FIP1L1: variants seen among roughly 807,000 people sequenced by gnomAD.
The protein encoded by FIP1L1 is pre-mRNA 3'-end-processing factor FIP1.
FIP1L1 carries 21 observed loss-of-function variants against 84.6 expected under a neutral mutation model. That is an observed-to-expected ratio of 0.25 (90% CI 0.18 to 0.36). The LOEUF (loss-of-function observed/expected upper bound fraction) is 0.36. Ranked by LOEUF, FIP1L1 falls within the 10% of genes least tolerant of loss-of-function variation. The pLI is 1.00. For synonymous variants in FIP1L1, 263 were observed against 242.3 expected (o/e 1.09, Z -0.80); for missense variants, 526 against 751.1 (o/e 0.70, Z 3.50).
chr4:53,391,942 G>A (rs1744482235), intron 9 of FIP1L1, among the ~76,000 whole-genome samples: 1 of 152,148 alleles, frequency 6.6e-6, no homozygotes, highest in Non-Finnish European at 1.5e-5. Context: ...TGCCCTGATA[G>A]CTCAAGATAT....
intron 10 of FIP1L1, among the ~76,000 whole-genome samples, chr4:53,413,145 A>G (rs1483679816): frequency 6.6e-6 from 1 of 151,608 alleles, no homozygotes; most frequent in African/African-American, 2.4e-5. Flanking sequence ...GTGACCTTTG[A>G]TATGTCTCCA....
intron 14 of FIP1L1, among the ~76,000 whole-genome samples, 158 bp from the exon 15 acceptor site, chr4:53,443,890 A>C (rs970209899): frequency 3.3e-5 from 5 of 152,158 alleles, no homozygotes; most frequent in Admixed American, 6.6e-5. Context: ...GTTAAAAAAA[A>C]CCCCATGTTT....
intron 15 of FIP1L1, among the ~76,000 whole-genome samples, chr4:53,451,885 C>CTT (rs139817657): frequency 7.1e-5 from 10 of 140,952 alleles, no homozygotes; most frequent in African/African-American, 2.2e-4. Flanking sequence ...ATAGACATTC[C>CTT]TTTTTTTTTT....
At chr4:53,444,199 T>G (rs1773222438) in intron 15 of FIP1L1, 96 bp downstream of exon 15, 1 of 803,640 alleles carries the variant, frequency 1.2e-6, no homozygotes, top group Non-Finnish European at 2.1e-6. Context: ...GTTTAACATC[T>G]TACAGAGCAA....
At chr4:53,403,966 T>C (rs1244217270) in intron 10 of FIP1L1, among the ~76,000 whole-genome samples, 1 of 151,770 alleles carries the variant, frequency 6.6e-6, no homozygotes, top group Non-Finnish European at 1.5e-5. Flanking sequence ...TGCTTCTCTC[T>C]CCAGCCACTG....
chr4:53,416,087 G>A (rs191599027), intron 11 of FIP1L1, among the ~76,000 whole-genome samples: 3 of 152,180 alleles, frequency 2.0e-5, no homozygotes, highest in African/African-American at 7.2e-5. Flanking sequence ...GATCTGACAA[G>A]TGTAGAATGA....
intron 13 of FIP1L1, among the ~76,000 whole-genome samples, chr4:53,438,394 T>A (rs1770425307): frequency 6.6e-6 from 1 of 152,234 alleles, no homozygotes; most frequent in East Asian, 1.9e-4. Flanking sequence ...TGGCCTTACA[T>A]GATATCACGT....
chr4:53,397,933 T>G (rs1372518484), intron 9 of FIP1L1, among the ~76,000 whole-genome samples: 1 of 152,200 alleles, frequency 6.6e-6, no homozygotes, highest in Non-Finnish European at 1.5e-5. Flanking sequence ...ATGAAAGAAG[T>G]TACATAGAAA....
At chr4:53,406,806 TG>T (rs1472200038) in intron 10 of FIP1L1, among the ~76,000 whole-genome samples, 1 of 152,254 alleles carries the variant, frequency 6.6e-6, no homozygotes, top group Non-Finnish European at 1.5e-5. Context: ...TAGAAGTGTT[TG>T]TAGTATTCTC....
chr4:53,399,134 CAG>C (rs1433596588), intron 9 of FIP1L1, among the ~76,000 whole-genome samples: 1 of 152,176 alleles, frequency 6.6e-6, no homozygotes, highest in East Asian at 1.9e-4. Context: ...GCCTGGGTGA[CAG>C]AGTGAGAAGA....
At chr4:53,415,717 T>C (rs955184317) in intron 11 of FIP1L1, among the ~76,000 whole-genome samples, 8 of 152,158 alleles carry the variant, frequency 5.3e-5, no homozygotes, top group African/African-American at 1.9e-4. Context: ...GATTTTCTTA[T>C]GTTTCATTTT....
At chr4:53,433,035 G>A (rs1767458123) in intron 13 of FIP1L1, among the ~76,000 whole-genome samples, 1 of 152,122 alleles carries the variant, frequency 6.6e-6, no homozygotes, top group Non-Finnish European at 1.5e-5. Context: ...TCTGTGTTTA[G>A]CTGAAGTCAG....
chr4:53,451,046 C>T (rs1264287836), intron 15 of FIP1L1, among the ~76,000 whole-genome samples: 1 of 151,664 alleles, frequency 6.6e-6, no homozygotes, highest in African/African-American at 2.4e-5. Flanking sequence ...CTGCAAGCTC[C>T]ACCTTCCTGG....
chr4:53,421,042 A>G (rs960160031), intron 11 of FIP1L1, among the ~76,000 whole-genome samples: 11 of 152,162 alleles, frequency 7.2e-5, no homozygotes, highest in Non-Finnish European at 1.5e-4. Flanking sequence ...TGTAATTTTA[A>G]ATAGTCTGGT....
intron 10 of FIP1L1, among the ~76,000 whole-genome samples, chr4:53,404,499 T>C (rs1466699169): frequency 6.6e-6 from 1 of 152,182 alleles, no homozygotes; most frequent in African/African-American, 2.4e-5. Context: ...TATAGCAGCA[T>C]GATTTAGAGT....
intron 6 of FIP1L1, 30 bp downstream of exon 6, chr4:53,389,903 A>G: frequency 1.3e-6 from 2 of 1,518,278 alleles, no homozygotes; most frequent in Non-Finnish European, 1.8e-6. Flanking sequence ...TTGCATCAAT[A>G]GGGAAATAAG....
At chr4:53,404,986 T>C (rs1477076115) in intron 10 of FIP1L1, among the ~76,000 whole-genome samples, 2 of 152,058 alleles carry the variant, frequency 1.3e-5, no homozygotes, top group Non-Finnish European at 2.9e-5. Context: ...GTAGTTTCTT[T>C]TGCTGTGCAG....
At chr4:53,439,959 T>C (rs1426804572) in intron 13 of FIP1L1, among the ~76,000 whole-genome samples, 1 of 152,048 alleles carries the variant, frequency 6.6e-6, no homozygotes, top group African/African-American at 2.4e-5. Context: ...AATTAATATT[T>C]GCTAGCACCT....
chr4:53,442,711 A>G lies in FIP1L1; in HGVS notation c.1229+4A>G. On this transcript the variant is annotated splice_donor_region_variant and intron_variant, in intron 14 of 17. Coordinates refer to ENST00000337488, the MANE Select transcript of FIP1L1 (RefSeq NM_030917.4). ...CTCTTATACCAACAATAGAAAGGTAAATCAGTATGGATACTGATTTTTGAT... is the reference window on the plus strand; with the variant it reads ...CTCTTATACCAACAATAGAAAGGTAGATCAGTATGGATACTGATTTTTGAT... 1.3e-6 allele frequency: 2 copies of G among 1,576,854 alleles called. No homozygotes were observed. Among genetic ancestry groups the G allele is most frequent in the Middle Eastern group, 3.3e-4 (2 of 5,986 alleles).
Sources: allele counts gnomAD v4.1 joint callset (sites outside exome capture counted in the v4.1 genomes callset), GRCh38; gene constraint gnomAD v4.1.1; transcripts MANE v1.5; gene names NCBI Gene and HGNC (gene_info 2026-07-23, HGNC 2026-07-21).